The following ITGA2 variants were observed in gnomAD, a reference collection of about 807,000 sequenced individuals.
The protein encoded by ITGA2 is integrin alpha-2.
In ITGA2, 101 loss-of-function variants were observed where a neutral mutation model predicts 146.3. The observed-to-expected ratio is 0.69, with a 90% CI of 0.59 to 0.81. The LOEUF is 0.81. ITGA2 is among the 40% of genes least tolerant of loss of function. The pLI is 0.00. For missense variants in ITGA2, 1,281 were observed against 1,402.7 expected (o/e 0.91, Z 1.39); for synonymous variants, 477 against 487.1 (o/e 0.98, Z 0.27).
At chr5:53,034,444 A>G (rs1743388322) in intron 2 of ITGA2, among the ~76,000 whole-genome samples, 1 of 152,130 alleles carries the variant, frequency 6.6e-6, no homozygotes, top group Non-Finnish European at 1.5e-5. Context: ...AGGACACTTT[A>G]AATATCTCCT....
At chr5:53,032,295 C>A (rs1743262786) in intron 2 of ITGA2, among the ~76,000 whole-genome samples, 1 of 151,878 alleles carries the variant, frequency 6.6e-6, no homozygotes, top group Non-Finnish European at 1.5e-5. Context: ...TATAGGAGAA[C>A]TTTAAATAAA....
chr5:53,061,526 G>C (rs1744906671), intron 12 of ITGA2, among the ~76,000 whole-genome samples: 1 of 151,942 alleles, frequency 6.6e-6, no homozygotes, highest in Non-Finnish European at 1.5e-5. Flanking sequence ...ATCTGAACCT[G>C]TCAGAATGTC....
intron 1 of ITGA2, among the ~76,000 whole-genome samples, chr5:53,007,218 T>C (rs1741900533): frequency 6.6e-6 from 1 of 152,088 alleles, no homozygotes; most frequent in Non-Finnish European, 1.5e-5. Context: ...ATCAGTTGGA[T>C]TTCCAGGAAG....
chr5:53,081,359 T>C (rs1745907441), intron 25 of ITGA2, among the ~76,000 whole-genome samples: 1 of 152,200 alleles, frequency 6.6e-6, no homozygotes, highest in African/African-American at 2.4e-5. Context: ...ATTTGCCTCA[T>C]CATATGTGGG....
Position 53,090,952 on chromosome 5 carries a change from G to T in ITGA2, c.*353G>T. The T allele has an allele frequency of 1.9e-6, 1 of 520,764 alleles. No individual in the cohort carries two copies. Among genetic ancestry groups the T allele is most frequent in the African/African-American group, 1.9e-5 (1 of 52,464 alleles). The allele number at this position is 520,764 out of a possible 1,614,324, so 32.3% of individuals were successfully genotyped here. On this transcript the variant is annotated 3_prime_UTR_variant, in exon 30 of 30. Coordinates refer to ENST00000296585, the MANE Select transcript of ITGA2 (RefSeq NM_002203.4). Reference sequence around the variant, plus strand: ...TTTAAAGAAAAATATGATACTCTCAGATTTTAAGGGGGAAAACTGTTCTCT... The same window carrying T: ...TTTAAAGAAAAATATGATACTCTCATATTTTAAGGGGGAAAACTGTTCTCT...
intron 2 of ITGA2, among the ~76,000 whole-genome samples, chr5:53,027,320 A>C (rs541356737): frequency 2.8e-4 from 42 of 152,286 alleles, no homozygotes; most frequent in Non-Finnish European, 5.7e-4. Context: ...CTTCATTCTA[A>C]GTTAGGCTTT....
chr5:53,051,806 A>T (rs1744382850), intron 7 of ITGA2, among the ~76,000 whole-genome samples: 1 of 152,174 alleles, frequency 6.6e-6, no homozygotes, highest in Admixed American at 6.6e-5. Flanking sequence ...AAATGAATTT[A>T]TGTGAAGTAA....
intron 1 of ITGA2, among the ~76,000 whole-genome samples, chr5:53,002,974 A>C (rs1466785201): frequency 2.0e-5 from 3 of 152,186 alleles, no homozygotes; most frequent in South Asian, 4.1e-4. Flanking sequence ...GGTATTCTAG[A>C]AATTTGAGCT....
chr5:53,062,673 C>A (rs1224025303), intron 12 of ITGA2, 113 bp from the exon 13 acceptor site: 2 of 1,168,334 alleles, frequency 1.7e-6, no homozygotes, highest in Non-Finnish European at 2.6e-6. Context: ...AAGCACTTTG[C>A]AAATAGTAAA....
intron 1 of ITGA2, among the ~76,000 whole-genome samples, chr5:53,000,303 G>C (rs1266796405): frequency 6.6e-6 from 1 of 151,980 alleles, no homozygotes; most frequent in Admixed American, 6.6e-5. Flanking sequence ...GCATCTATTG[G>C]TTATTACATA....
intron 27 of ITGA2, among the ~76,000 whole-genome samples, chr5:53,086,442 C>A (rs1301997094): frequency 6.6e-6 from 1 of 152,148 alleles, no homozygotes; most frequent in African/African-American, 2.4e-5. Context: ...TAAACACTAT[C>A]ATTTTACACA....
At chr5:53,038,922 C>T (rs1021234238) in intron 2 of ITGA2, among the ~76,000 whole-genome samples, 1 of 152,032 alleles carries the variant, frequency 6.6e-6, no homozygotes, top group African/African-American at 2.4e-5. Flanking sequence ...GAAATGCCAT[C>T]TCTATTAAAA....
intron 25 of ITGA2, among the ~76,000 whole-genome samples, chr5:53,081,228 T>C (rs942304640): frequency 2.0e-5 from 3 of 152,146 alleles, no homozygotes; most frequent in Non-Finnish European, 2.9e-5. Context: ...AGTCCAACAG[T>C]TGTATTATTC....
In ITGA2 at chr5:53,094,435, G is replaced by A. The variant is rs1197171174; in HGVS notation, c.*3836G>A. Reference sequence around the variant, plus strand: ...ATGTATATATTGCATAACTATGTTAGAATTGTATATATTTTAAAGAAATTG... The same window carrying A: ...ATGTATATATTGCATAACTATGTTAAAATTGTATATATTTTAAAGAAATTG... On this transcript the variant is annotated 3_prime_UTR_variant, in exon 30 of 30. Transcript: ENST00000296585. 6.6e-6 allele frequency: 1 copy of A among 152,134 alleles called. No individual in the cohort carries two copies. Among genetic ancestry groups the A allele is most frequent in the Non-Finnish European group, 1.5e-5 (1 of 68,014 alleles). The allele number at this position is 152,134 out of a possible 1,614,324, so 9.4% of individuals were successfully genotyped here. A position where few individuals can be genotyped will look rare whatever the true frequency, so the allele number is the denominator to read the frequency against.
chr5:53,008,833 T>C (rs1741982230), intron 1 of ITGA2, among the ~76,000 whole-genome samples: 1 of 152,148 alleles, frequency 6.6e-6, no homozygotes, highest in Non-Finnish European at 1.5e-5. Flanking sequence ...GTATTTGATT[T>C]TGACCCTAGG....
chr5:53,001,602 A>C (rs1331425669), intron 1 of ITGA2, among the ~76,000 whole-genome samples: 1 of 152,202 alleles, frequency 6.6e-6, no homozygotes, highest in Non-Finnish European at 1.5e-5. Flanking sequence ...TGGAAAGCCA[A>C]GGCAGAAGGA....
intron 23 of ITGA2, among the ~76,000 whole-genome samples, chr5:53,077,272 G>T (rs1745703963): frequency 6.6e-6 from 1 of 151,600 alleles, no homozygotes; most frequent in Non-Finnish European, 1.5e-5. Flanking sequence ...AAGCAATGCT[G>T]CAAAAAAAAT....
At chr5:53,042,534 A>G (rs1047811848) in intron 3 of ITGA2, among the ~76,000 whole-genome samples, 2 of 152,120 alleles carry the variant, frequency 1.3e-5, no homozygotes, top group Admixed American at 1.3e-4. Context: ...GAGGCTATCC[A>G]TATTTCTTTC....
chr5:52,998,052 T>C (rs924698345), intron 1 of ITGA2, among the ~76,000 whole-genome samples: 1 of 152,186 alleles, frequency 6.6e-6, no homozygotes, highest in Non-Finnish European at 1.5e-5. Flanking sequence ...AATTAAGAAA[T>C]GCCTTTATTA....
Sources: allele counts gnomAD v4.1 joint callset (sites outside exome capture counted in the v4.1 genomes callset), GRCh38; gene constraint gnomAD v4.1.1; transcripts MANE v1.5; gene names NCBI Gene and HGNC (gene_info 2026-07-23, HGNC 2026-07-21).